The following DNAH6 variants were observed in gnomAD, a reference collection of about 807,000 sequenced individuals.
DNAH6 encodes axonemal beta dynein heavy chain 6.
In DNAH6, 340 loss-of-function variants were observed where a neutral mutation model predicts 491.4. The ratio of observed to expected loss-of-function variants is 0.69; its 90% CI spans 0.63 to 0.76. The LOEUF is 0.76. DNAH6 is among the 30% of genes least tolerant of loss of function. The pLI is 0.00. For missense variants in DNAH6, 4,443 were observed against 4,972.2 expected (o/e 0.89, Z 3.20); for synonymous variants, 1,603 against 1,686.1 (o/e 0.95, Z 1.21).
intron 37 of DNAH6, among the ~76,000 whole-genome samples, chr2:84,664,531 A>T (rs1357774502): frequency 1.3e-5 from 2 of 152,224 alleles, no homozygotes; most frequent in East Asian, 3.8e-4. Flanking sequence ...AAAGGGATCA[A>T]TTCAACAAGA....
the DNAH6 span, among the ~76,000 whole-genome samples, chr2:84,498,670 C>G: frequency 2.0e-5 from 3 of 152,148 alleles, no homozygotes; most frequent in Non-Finnish European, 4.4e-5. Flanking sequence ...TTGTACTGCT[C>G]AGACCCAGAG....
At position 84,573,560 on chromosome 2, in the gene DNAH6, T is replaced by G. The variant is rs759744878; in HGVS notation, c.1897T>G (p.Leu633Val). 17 of 1,585,390 alleles carry G rather than the reference T, an allele frequency of 1.1e-5. No homozygotes were observed. Among genetic ancestry groups the G allele is most frequent in the Non-Finnish European group, 1.3e-5 (15 of 1,172,114 alleles). Residue 633 changes from leucine to valine, a missense_variant, in exon 12 of 77, where the codon TTA (leucine) becomes GTA (valine). This residue lies in a region of DNAH6 where 2,977 missense variants were observed against 3,296.6 expected (regional missense o/e 0.90). Coordinates refer to ENST00000389394, the MANE Select transcript of DNAH6 (RefSeq NM_001370.2). Reference sequence around the variant, plus strand: ...CTTCAAGGAAAATGAAAGTCTTGATTTACAAGCTCTTAAACTTCAGGAACC... The same window carrying G: ...CTTCAAGGAAAATGAAAGTCTTGATGTACAAGCTCTTAAACTTCAGGAACC... ...IFFKENESLD[L>V]QALKLQEPDI...
intron 65 of DNAH6, 139 bp from the exon 66 acceptor site, chr2:84,784,583 A>T (rs1228696813): frequency 1.6e-6 from 1 of 614,366 alleles, no homozygotes; most frequent in African/African-American, 1.9e-5. Flanking sequence ...TTTACACTAT[A>T]CTTGTAATAG....
intron 65 of DNAH6, 60 bp downstream of exon 65, chr2:84,781,713 G>T: frequency 6.8e-7 from 1 of 1,471,760 alleles, no homozygotes; most frequent in Non-Finnish European, 9.1e-7. Flanking sequence ...TTTTCTTGTT[G>T]AATTCATTCC....
chr2:84,617,694 CTG>C (rs368962459), intron 23 of DNAH6, among the ~76,000 whole-genome samples: 2 of 151,330 alleles, frequency 1.3e-5, no homozygotes, highest in Non-Finnish European at 3.0e-5. Flanking sequence ...ATATGTGTGC[CTG>C]TGTGTGTGTG....
chr2:84,806,201 A>T (rs1308358541), intron 71 of DNAH6, among the ~76,000 whole-genome samples: 1 of 152,238 alleles, frequency 6.6e-6, no homozygotes, highest in Non-Finnish European at 1.5e-5. Context: ...TGGACAGTAT[A>T]GAGATAGAGA....
At chr2:84,749,722 T>C (rs1189509553) in intron 63 of DNAH6, among the ~76,000 whole-genome samples, 1 of 152,222 alleles carries the variant, frequency 6.6e-6, no homozygotes, top group Non-Finnish European at 1.5e-5. Flanking sequence ...CCAGTGAATA[T>C]GGACAATAGC....
At chr2:84,572,982 T>C (rs1359857815) in intron 11 of DNAH6, among the ~76,000 whole-genome samples, 1 of 152,236 alleles carries the variant, frequency 6.6e-6, no homozygotes. Flanking sequence ...AAAGTTTTTA[T>C]TATGGCAAAG....
the DNAH6 span, among the ~76,000 whole-genome samples, chr2:84,508,368 G>A: frequency 2.6e-5 from 4 of 152,176 alleles, no homozygotes; most frequent in Non-Finnish European, 5.9e-5. Context: ...GGTGTTTATA[G>A]TATTCTCTGA....
chr2:84,718,187 C>A lies in DNAH6; in HGVS notation c.9612-17C>A. 1 of 1,494,442 alleles carries A rather than the reference C, an allele frequency of 6.7e-7. No homozygotes were observed. The allele number at this position is 1,494,442 out of a possible 1,614,324, so 92.6% of individuals were successfully genotyped here. A position where few individuals can be genotyped will look rare whatever the true frequency, so the allele number is the denominator to read the frequency against. ...ACTGGCAGAGACATAATTTAGATAT[C>A]TGAACTTTGGTTTTAGTGATGTGGT... On this transcript the variant is annotated splice_polypyrimidine_tract_variant and intron_variant, in intron 58 of 76. Coordinates refer to ENST00000389394, the MANE Select transcript of DNAH6 (RefSeq NM_001370.2).
chr2:84,620,651 G>A (rs1234965843), intron 24 of DNAH6, among the ~76,000 whole-genome samples: 1 of 152,196 alleles, frequency 6.6e-6, no homozygotes, highest in Non-Finnish European at 1.5e-5. Context: ...CATTTTATTT[G>A]TTCTGAATTG....
At chr2:84,720,188 G>GT (rs1195313061) in intron 59 of DNAH6, among the ~76,000 whole-genome samples, 2 of 151,638 alleles carry the variant, frequency 1.3e-5, no homozygotes, top group African/African-American at 4.8e-5. Flanking sequence ...CCTGGCCATG[G>GT]GTGGTGTGGG....
At chr2:84,501,653 G>A in the DNAH6 span, among the ~76,000 whole-genome samples, 1,615 of 11,782 alleles carry the variant, frequency 0.14, 102 homozygotes, top group African/African-American at 0.29. Flanking sequence ...AAGCCTTCAG[G>A]TCCTGGGTTT....
At chr2:84,628,034 C>G (rs1439239928) in intron 29 of DNAH6, among the ~76,000 whole-genome samples, 1 of 152,156 alleles carries the variant, frequency 6.6e-6, no homozygotes, top group East Asian at 1.9e-4. Context: ...AGCCTTCTCT[C>G]TAGAACCTCG....
chr2:84,739,579 A>G (rs1224570171), intron 62 of DNAH6, among the ~76,000 whole-genome samples: 1 of 152,128 alleles, frequency 6.6e-6, no homozygotes, highest in Non-Finnish European at 1.5e-5. Context: ...TGACTGGGTC[A>G]TTTTGACAGA....
At chr2:84,497,879 C>G in the DNAH6 span, among the ~76,000 whole-genome samples, 3 of 152,082 alleles carry the variant, frequency 2.0e-5, no homozygotes, top group African/African-American at 4.8e-5. Flanking sequence ...AGCCACAGAC[C>G]CAAAAGTGAT....
chr2:84,672,240 T>C (rs1692805409), intron 39 of DNAH6, 87 bp from the exon 40 acceptor site: 2 of 1,341,846 alleles, frequency 1.5e-6, no homozygotes, highest in South Asian at 1.5e-5. Flanking sequence ...TAGGATGTCA[T>C]TGAGTCCAAA....
chr2:84,577,117 T>G, intron 12 of DNAH6, 140 bp from the exon 13 acceptor site: 12 of 463,672 alleles, frequency 2.6e-5, no homozygotes, highest in Non-Finnish European at 3.6e-5. Flanking sequence ...TAAAGTTACA[T>G]GAGATACTCT....
At chr2:84,535,835 T>C (rs1326864328) in intron 4 of DNAH6, among the ~76,000 whole-genome samples, 1 of 152,004 alleles carries the variant, frequency 6.6e-6, no homozygotes, top group Non-Finnish European at 1.5e-5. Context: ...ACAACAGCAC[T>C]ATTTAGAGTC....
Sources: allele counts gnomAD v4.1 joint callset (sites outside exome capture counted in the v4.1 genomes callset), GRCh38; gene constraint gnomAD v4.1.1; regional missense constraint gnomAD v4.1.1; transcripts MANE v1.5; gene names NCBI Gene and HGNC (gene_info 2026-07-23, HGNC 2026-07-21).